Variants in BCR observed in about 807,000 individuals in gnomAD.
BCR encodes breakpoint cluster region protein.
BCR carries 58 observed loss-of-function variants against 138.6 expected under a neutral mutation model. That is an observed-to-expected ratio of 0.42 (90% confidence interval 0.34 to 0.52). The LOEUF (loss-of-function observed/expected upper bound fraction) is 0.52. Among genes scored for constraint, BCR ranks in the 20% least tolerant of loss-of-function variants. BCR has a pLI of 0.06. For synonymous variants in BCR, 786 were observed against 730.1 expected, an observed-to-expected ratio of 1.08 and a Z score of -1.23; for missense variants, 1,599 against 1,727.2, an observed-to-expected ratio of 0.93 and a Z score of 1.32.
At chr22:23,243,822 T>C (rs1283846459) in intron 1 of BCR, among the ~76,000 whole-genome samples, 2 of 152,032 alleles carry the variant, frequency 1.3e-5, no homozygotes, top group Admixed American at 1.3e-4. Context: ...TTTGTGTTTT[T>C]AGTAGAGACG....
In BCR at chr22:23,216,881, A is replaced by G. The variant is rs570145903; in HGVS notation, c.1279+34642A>G. 2.0e-5 allele frequency: 5 copies of G among 251,900 alleles called. No individual in the cohort carries two copies. In the East Asian group the frequency reaches 7.5e-4, roughly 38 times the overall value. 15.6% of individuals were successfully genotyped at this position (251,900 alleles called of 1,614,324 possible). On this transcript the variant is annotated intron_variant, in intron 1 of 22. Coordinates refer to ENST00000305877, the MANE Select transcript of BCR (RefSeq NM_004327.4). Reference sequence around the variant, plus strand: ...GGCTAGGTTCCAAGAGCAAAGGTGGATGCTGCAGGGCTTCCTGAGGCCTGG... The same window carrying G: ...GGCTAGGTTCCAAGAGCAAAGGTGGGTGCTGCAGGGCTTCCTGAGGCCTGG...
intron 16 of BCR, 88 bp from the exon 17 acceptor site, chr22:23,309,336 T>C: frequency 2.8e-6 from 3 of 1,076,512 alleles, no homozygotes; most frequent in Non-Finnish European, 4.2e-6. Context: ...TGACTAAGGG[T>C]TGGGGAAGTG....
intron 1 of BCR, among the ~76,000 whole-genome samples, chr22:23,190,947 AATAG>A (rs1163519738): frequency 3.3e-5 from 5 of 151,436 alleles, no homozygotes; most frequent in African/African-American, 1.2e-4. Context: ...CTTTTTTTTT[AATAG>A]ATAAAGGGTC....
At chr22:23,240,302 CGTGTGTGTGTGTGTGTGTGT>C (rs200491524) in intron 1 of BCR, among the ~76,000 whole-genome samples, 1 of 144,020 alleles carries the variant, frequency 6.9e-6, no homozygotes, top group Non-Finnish European at 1.5e-5. Context: ...CCTGGCTGAT[CGTGTGTGTGTGTGTGTGTGT>C]GTGTGTGTGT....
intron 2 of BCR, among the ~76,000 whole-genome samples, chr22:23,257,274 G>A (rs2073304995): frequency 2.0e-5 from 3 of 152,180 alleles, no homozygotes; most frequent in African/African-American, 4.8e-5. Context: ...TGAGCCAGAT[G>A]TTCCCTGAGC....
At chr22:23,283,915 C>A in intron 8 of BCR, 62 bp from the exon 9 acceptor site, 1 of 1,485,424 alleles carries the variant, frequency 6.7e-7, no homozygotes. Flanking sequence ...GCTGGGAGGG[C>A]CGAACACCCC....
At chr22:23,203,923 G>A (rs1300613052) in intron 1 of BCR, among the ~76,000 whole-genome samples, 11 of 152,208 alleles carry the variant, frequency 7.2e-5, no homozygotes, top group African/African-American at 2.7e-4. Flanking sequence ...TCTACAAAGG[G>A]AAAGGGACTT....
intron 8 of BCR, among the ~76,000 whole-genome samples, chr22:23,282,233 C>T (rs961751465): frequency 2.8e-4 from 42 of 152,246 alleles, no homozygotes; most frequent in African/African-American, 9.2e-4. Flanking sequence ...TACCCGGCTT[C>T]AGCGCTCCAG....
intron 1 of BCR, among the ~76,000 whole-genome samples, chr22:23,199,701 G>A (rs761891347): frequency 4.6e-5 from 7 of 152,188 alleles, no homozygotes; most frequent in Non-Finnish European, 1.0e-4. Flanking sequence ...GGGGAAAATG[G>A]ATGTTTTCTT....
At chr22:23,301,906 T>G (rs918472777) in intron 16 of BCR, among the ~76,000 whole-genome samples, 1 of 152,180 alleles carries the variant, frequency 6.6e-6, no homozygotes, top group African/African-American at 2.4e-5. Flanking sequence ...ACACCCGACT[T>G]GGGTCCTCTT....
chr22:23,221,362 C>G lies in BCR; in HGVS notation c.1280-32437C>G, dbSNP rs376700881. The stretch of plus-strand genomic sequence containing the variant: ...ACCTCTGAAAGGTTTTCTGCCCCAT[C>G]CAGTCTGCTGCTTCTCTCCCCTCCC... On this transcript the variant is annotated intron_variant, in intron 1 of 22. Coordinates refer to ENST00000305877, the MANE Select transcript of BCR (RefSeq NM_004327.4). 1.7e-3 allele frequency among the ~76,000 whole-genome samples: 262 copies of G among 152,280 alleles called. 1 individual carries two copies. The highest frequency in any genetic ancestry group is 5.7e-3 in the African/African-American group (237 of 41,542).
chr22:23,235,600 G>T (rs574233661), intron 1 of BCR, among the ~76,000 whole-genome samples: 1 of 106,458 alleles, frequency 9.4e-6, no homozygotes. Flanking sequence ...GTGAGTCATG[G>T]AATCTCAGAA....
Position 23,277,027 on chromosome 22 carries a change from C to T in BCR, c.2115+3253C>T, listed in dbSNP as rs376918519. 1.7e-3 allele frequency among the ~76,000 whole-genome samples: 259 copies of T among 152,318 alleles called. 1 individual carries two copies. The highest frequency in any genetic ancestry group is 5.6e-3 in the African/African-American group (232 of 41,554). On this transcript the variant is annotated intron_variant, in intron 8 of 22. Transcript: ENST00000305877. ...CCTGCCCGCATGCTGCCATCTGTGT[C>T]GGAGGTGACGGGCGAGCTCCCCTGA...
At chr22:23,200,978 C>T (rs2072546766) in intron 1 of BCR, among the ~76,000 whole-genome samples, 2 of 152,192 alleles carry the variant, frequency 1.3e-5, no homozygotes, top group Admixed American at 1.3e-4. Context: ...CCAAGTTTTG[C>T]CTGGTGCTGG....
intron 1 of BCR, among the ~76,000 whole-genome samples, chr22:23,231,885 C>T (rs2072963573): frequency 6.6e-6 from 1 of 152,196 alleles, no homozygotes; most frequent in Non-Finnish European, 1.5e-5. Flanking sequence ...TGGGGTCTTC[C>T]TGTTCTCTTT....
rs2072255774 is a variant in BCR, at chr22:23,181,362, C to T, written c.402C>T (p.Pro134=). 2 of 1,520,830 alleles carry T rather than the reference C, an allele frequency of 1.3e-6. No homozygotes were observed. Among genetic ancestry groups the T allele is most frequent in the African/African-American group, 1.4e-5 (1 of 71,620 alleles). 94.2% of individuals were successfully genotyped at this position (1,520,830 alleles called of 1,614,324 possible). A position where few individuals can be genotyped will look rare whatever the true frequency, so the allele number is the denominator to read the frequency against. ...GKARPGTARR[P]GAAASGERDD... Reference sequence around the variant, plus strand: ...CCAGGCCCGGGACCGCCCGCAGGCCCGGGGCAGCCGCGTCGGGGGAACGGG... The same window carrying T: ...CCAGGCCCGGGACCGCCCGCAGGCCTGGGGCAGCCGCGTCGGGGGAACGGG... The change falls in exon 1 of 23, where the codon CCC becomes CCT. Residue 134 remains proline (P), a synonymous_variant. Coordinates refer to ENST00000305877, the MANE Select transcript of BCR (RefSeq NM_004327.4).
chr22:23,296,790 T>C (rs2073850018), intron 16 of BCR, among the ~76,000 whole-genome samples: 1 of 152,182 alleles, frequency 6.6e-6, no homozygotes, highest in African/African-American at 2.4e-5. Flanking sequence ...ATAAATTAAC[T>C]AAAAATTGCT....
At chr22:23,280,286 A>G (rs893675728) in intron 8 of BCR, among the ~76,000 whole-genome samples, 3 of 152,194 alleles carry the variant, frequency 2.0e-5, no homozygotes, top group African/African-American at 7.2e-5. Context: ...GCCTGGGGGA[A>G]GTCCCCTTAG....
At position 23,315,632 on chromosome 22, in the gene BCR, T is replaced by C. The variant is rs2074063041; in HGVS notation, c.*110T>C. On this transcript the variant is annotated 3_prime_UTR_variant, in exon 23 of 23. Coordinates refer to ENST00000305877, the MANE Select transcript of BCR (RefSeq NM_004327.4). ...GAGGTGTCCTTGGGCCACCCCCAAG[T>C]GTTGGGCCATCTGCCAAGAGACAGC... 3 of 1,018,134 alleles carry C rather than the reference T, an allele frequency of 2.9e-6. No homozygotes were observed. In the East Asian group the frequency reaches 7.6e-5, roughly 26 times the overall value. The allele number at this position is 1,018,134 out of a possible 1,614,324, so 63.1% of individuals were successfully genotyped here.
Sources: gnomAD v4.1 joint callset for allele counts (sites outside exome capture counted in the v4.1 genomes callset) on GRCh38, gnomAD v4.1.1 for gene constraint, MANE v1.5 for transcripts, NCBI Gene and HGNC (gene_info 2026-07-23, HGNC 2026-07-21) for gene names.